The following SLC16A7 variants were observed in gnomAD, a reference collection of about 807,000 sequenced individuals.
SLC16A7 encodes solute carrier family 16 member 7.
In SLC16A7, 33 loss-of-function variants were observed where a neutral mutation model predicts 34.9. That is an observed-to-expected ratio of 0.94 (90% CI 0.72 to 1.26). SLC16A7 has a LOEUF of 1.26. Among genes scored for constraint, SLC16A7 ranks in the 50% most tolerant of loss-of-function variants. The pLI, the probability that SLC16A7 is intolerant of heterozygous loss-of-function variation, is 0.00. For synonymous variants in SLC16A7, 201 were observed against 206.6 expected (o/e 0.97, Z 0.23); for missense variants, 573 against 578.1 (o/e 0.99, Z 0.09).
chr12:59,763,485 G>T (rs1291716100), intron 3 of SLC16A7, among the ~76,000 whole-genome samples: 1 of 152,022 alleles, frequency 6.6e-6, no homozygotes, highest in Non-Finnish European at 1.5e-5. Flanking sequence ...TTAACAAAAA[G>T]ATTATTTCTA....
chr12:59,741,152 A>T (rs1400833530), intron 3 of SLC16A7, among the ~76,000 whole-genome samples: 3 of 152,114 alleles, frequency 2.0e-5, no homozygotes, highest in Non-Finnish European at 4.4e-5. Flanking sequence ...TAATTTATAG[A>T]TTCAATGCCA....
intron 1 of SLC16A7, among the ~76,000 whole-genome samples, chr12:59,620,551 T>G (rs1879654448): frequency 6.6e-6 from 1 of 151,962 alleles, no homozygotes. Flanking sequence ...GCCTTTCTAG[T>G]CACTCCTGTT....
At position 59,746,991 on chromosome 12, in the gene SLC16A7, CCTGT is replaced by C. The variant is rs559605032; in HGVS notation, c.218-24225_218-24222del. Reference sequence around the variant, plus strand: ...GGGACTACAGGTGTGCACCCCCATGCCTGTCTAATTATTTTATTTTAGTAGTGAC... The same window carrying C: ...GGGACTACAGGTGTGCACCCCCATGCCTAATTATTTTATTTTAGTAGTGAC... On this transcript the variant is annotated intron_variant, in intron 3 of 5. Transcript: ENST00000547379. Among the ~76,000 whole-genome samples the C allele has an allele frequency of 5.7e-3, 870 of 152,230 alleles. 7 individuals are homozygous for C. The highest frequency in any genetic ancestry group is 0.034 in the Middle Eastern group (10 of 294).
At chr12:59,597,994 T>C (rs1337851144) in intron 1 of SLC16A7, among the ~76,000 whole-genome samples, 1 of 152,244 alleles carries the variant, frequency 6.6e-6, no homozygotes, top group African/African-American at 2.4e-5. Flanking sequence ...TCTTTGATAA[T>C]GTCTGGCTTA....
intron 1 of SLC16A7, among the ~76,000 whole-genome samples, chr12:59,651,121 C>T (rs1214226130): frequency 1.3e-5 from 2 of 152,158 alleles, no homozygotes; most frequent in Non-Finnish European, 2.9e-5. Flanking sequence ...TGTGTCTTGG[C>T]TTTGCTCCTC....
rs1883845185 is a variant in SLC16A7, at chr12:59,789,463, A to T, written c.*9784A>T. On this transcript the variant is annotated 3_prime_UTR_variant, in exon 6 of 6. Transcript: ENST00000547379. ...GTTTTATTTTCTTTTCAAAATCAGAAATGCTGTATTTAAGCTTCCTGGAAA... is the reference window on the plus strand; with the variant it reads ...GTTTTATTTTCTTTTCAAAATCAGATATGCTGTATTTAAGCTTCCTGGAAA... 1 of 152,206 alleles carries T rather than the reference A, an allele frequency of 6.6e-6. No individual in the cohort carries two copies. The highest frequency in any genetic ancestry group is 2.4e-5 in the African/African-American group (1 of 41,454). 9.4% of individuals were successfully genotyped at this position (152,206 alleles called of 1,614,324 possible).
chr12:59,636,002 TAA>T (rs5798503), intron 1 of SLC16A7, among the ~76,000 whole-genome samples: 45,062 of 144,318 alleles, frequency 0.31, 8,353 homozygotes, highest in East Asian at 0.64. Flanking sequence ...TGCACTTCTG[TAA>T]AAAAAAAAAA....
chr12:59,608,568 C>T (rs1381778957), intron 1 of SLC16A7, among the ~76,000 whole-genome samples: 5 of 152,152 alleles, frequency 3.3e-5, no homozygotes, highest in African/African-American at 1.2e-4. Flanking sequence ...TGTAACCTGG[C>T]CTCTTGTGCC....
At chr12:59,733,478 C>T (rs1024258621) in intron 3 of SLC16A7, among the ~76,000 whole-genome samples, 5 of 152,242 alleles carry the variant, frequency 3.3e-5, no homozygotes, top group South Asian at 2.1e-4. Flanking sequence ...CTGGCTGGAC[C>T]GGGCATACCA....
At chr12:59,648,352 A>T (rs903221218) in intron 1 of SLC16A7, among the ~76,000 whole-genome samples, 1 of 152,206 alleles carries the variant, frequency 6.6e-6, no homozygotes, top group Non-Finnish European at 1.5e-5. Context: ...GCAAGAAGAC[A>T]TAGGCATGAG....
chr12:59,736,642 T>C (rs12231693), intron 3 of SLC16A7, among the ~76,000 whole-genome samples: 32,778 of 152,124 alleles, frequency 0.22, 3,659 homozygotes, highest in East Asian at 0.31. Context: ...TAGGACCCTA[T>C]CAAAATAACT....
rs575113442 is a variant in SLC16A7, at chr12:59,717,990, C to A, written c.217+12972C>A. ...CCCTTAGGAGGGGCAGTAATAGTGT[C>A]AGAAAAATACATCTCACAAAGTATC... On this transcript the variant is annotated intron_variant, in intron 3 of 5. Coordinates refer to ENST00000547379, the MANE Select transcript of SLC16A7 (RefSeq NM_001270623.2). 3.3e-3 allele frequency among the ~76,000 whole-genome samples: 503 copies of A among 152,184 alleles called. 1 individual carries two copies. Among genetic ancestry groups the A allele is most frequent in the Non-Finnish European group, 5.7e-3 (388 of 67,988 alleles).
At chr12:59,635,374 G>A (rs1459086924) in intron 1 of SLC16A7, among the ~76,000 whole-genome samples, 5 of 151,956 alleles carry the variant, frequency 3.3e-5, no homozygotes. Context: ...TGGAAATCTG[G>A]CTGAAACAAA....
At chr12:59,660,991 T>C (rs1262366056) in intron 2 of SLC16A7, among the ~76,000 whole-genome samples, 2 of 152,102 alleles carry the variant, frequency 1.3e-5, no homozygotes. Flanking sequence ...AAATACCTAT[T>C]CTACTATAAT....
intron 1 of SLC16A7, among the ~76,000 whole-genome samples, chr12:59,623,791 C>G (rs1194479249): frequency 6.6e-6 from 1 of 151,524 alleles, no homozygotes; most frequent in East Asian, 1.9e-4. Flanking sequence ...AAGAAAATAA[C>G]AGAGTCTTGT....
intron 2 of SLC16A7, among the ~76,000 whole-genome samples, chr12:59,700,238 T>G (rs1872724936): frequency 6.6e-6 from 1 of 151,686 alleles, no homozygotes; most frequent in Non-Finnish European, 1.5e-5. Context: ...TCCTTGTTTT[T>G]CTACTATGTG....
At chr12:59,775,841 A>T (rs916255855) in intron 5 of SLC16A7, among the ~76,000 whole-genome samples, 7 of 152,188 alleles carry the variant, frequency 4.6e-5, no homozygotes, top group Non-Finnish European at 8.8e-5. Flanking sequence ...TATTGAAATG[A>T]GCCAAAATTG....
intron 3 of SLC16A7, among the ~76,000 whole-genome samples, chr12:59,708,593 C>A (rs931460905): frequency 2.0e-5 from 3 of 152,092 alleles, no homozygotes; most frequent in African/African-American, 4.8e-5. Context: ...TTCTGTTCAA[C>A]ACAATGCTAA....
intron 3 of SLC16A7, among the ~76,000 whole-genome samples, chr12:59,742,689 C>A (rs1423244134): frequency 6.6e-6 from 1 of 152,178 alleles, no homozygotes; most frequent in African/African-American, 2.4e-5. Context: ...AAGAGAAACA[C>A]TTATCAAAAT....
Sources: gnomAD v4.1 joint callset for allele counts (sites outside exome capture counted in the v4.1 genomes callset) on GRCh38, gnomAD v4.1.1 for gene constraint, MANE v1.5 for transcripts, NCBI Gene and HGNC (gene_info 2026-07-23, HGNC 2026-07-21) for gene names.